Variants in WASF2 observed in about 807,000 individuals in gnomAD.
WASF2 encodes the protein actin-binding protein WASF2.
Under a neutral mutation model 45.0 loss-of-function variants are expected in WASF2, and 14 were observed. That is an observed-to-expected ratio of 0.31 (90% CI 0.21 to 0.49). WASF2 has a LOEUF of 0.49. Ranked by LOEUF, WASF2 falls within the 20% of genes least tolerant of loss-of-function variation. WASF2 has a pLI of 0.99. For missense variants in WASF2, 439 were observed against 636.1 expected (o/e 0.69, Z 3.33); for synonymous variants, 200 against 236.3 (o/e 0.85, Z 1.41).
In WASF2 at chr1:27,404,535, T is replaced by C. The variant is rs1029999325; in HGVS notation, c.*3654A>G. On this transcript the variant is annotated 3_prime_UTR_variant, in exon 9 of 9. Transcript: ENST00000618852. ...CCCATCCTCAGGGGAAGAGTGCCTG[T>C]TTTCAAACGGCATCCCTACTACACA... 2.6e-5 allele frequency: 4 copies of C among 152,130 alleles called. No homozygotes were observed. Among genetic ancestry groups the C allele is most frequent in the African/African-American group, 9.7e-5 (4 of 41,418 alleles). The allele number at this position is 152,130 out of a possible 1,614,324, so 9.4% of individuals were successfully genotyped here.
intron 1 of WASF2, among the ~76,000 whole-genome samples, chr1:27,445,537 T>C (rs564330185): frequency 4.6e-5 from 7 of 152,336 alleles, no homozygotes; most frequent in Non-Finnish European, 8.8e-5. Flanking sequence ...GCATTCCTAT[T>C]TACCCTAAAA....
At chr1:27,424,765 C>T (rs1158223594) in intron 2 of WASF2, among the ~76,000 whole-genome samples, 2 of 152,212 alleles carry the variant, frequency 1.3e-5, no homozygotes, top group Non-Finnish European at 2.9e-5. Flanking sequence ...AAGCAATCCT[C>T]CCGCCTCCAC....
chr1:27,474,982 A>G (rs1473637438), intron 1 of WASF2, among the ~76,000 whole-genome samples: 1 of 151,070 alleles, frequency 6.6e-6, no homozygotes, highest in African/African-American at 2.4e-5. Context: ...CAAAATACAC[A>G]CAAAACTCCT....
In WASF2 at chr1:27,405,715, C is replaced by T. The variant is rs1297944609; in HGVS notation, c.*2474G>A. 3 of 149,282 alleles carry T rather than the reference C, an allele frequency of 2.0e-5. No individual in the cohort carries two copies. Among genetic ancestry groups the T allele is most frequent in the Admixed American group, 1.3e-4 (2 of 14,836 alleles). The allele number at this position is 149,282 out of a possible 1,614,324, so 9.2% of individuals were successfully genotyped here. Reference sequence around the variant, plus strand: ...CCGAGCTGAGGAGGCTTCGCAAGGCCGGCTGCTACAAAGTGCCGAGCTTGG... The same window carrying T: ...CCGAGCTGAGGAGGCTTCGCAAGGCTGGCTGCTACAAAGTGCCGAGCTTGG... On this transcript the variant is annotated 3_prime_UTR_variant, in exon 9 of 9. Coordinates refer to ENST00000618852, the MANE Select transcript of WASF2 (RefSeq NM_006990.5).
Position 27,445,556 on chromosome 1 carries a change from G to T in WASF2, c.-43-16623C>A, listed in dbSNP as rs114354264. On this transcript the variant is annotated intron_variant, in intron 1 of 8. Coordinates refer to ENST00000618852, the MANE Select transcript of WASF2 (RefSeq NM_006990.5). ...TCCTATTTACCCTAAAACTGAAATG[G>T]TGTTAATGAGTATAACATACTGCTT... Among the ~76,000 whole-genome samples the T allele has an allele frequency of 4.0e-3, 606 of 152,272 alleles. 6 individuals carry two copies. Among genetic ancestry groups the T allele is most frequent in the African/African-American group, 0.014 (580 of 41,552 alleles).
intron 1 of WASF2, among the ~76,000 whole-genome samples, chr1:27,479,986 G>A (rs1337400329): frequency 6.6e-6 from 1 of 152,166 alleles, no homozygotes; most frequent in African/African-American, 2.4e-5. Context: ...GAATGCTGAA[G>A]GAACTTTAAA....
At chr1:27,434,659 AC>A (rs1197825401) in intron 1 of WASF2, among the ~76,000 whole-genome samples, 1 of 152,184 alleles carries the variant, frequency 6.6e-6, no homozygotes, top group East Asian at 1.9e-4. Flanking sequence ...GGAGTTAGCT[AC>A]CCAAAAAATT....
At chr1:27,476,872 T>C (rs2148141508) in intron 1 of WASF2, among the ~76,000 whole-genome samples, 1 of 152,274 alleles carries the variant, frequency 6.6e-6, no homozygotes, top group Non-Finnish European at 1.5e-5. Context: ...TGTTCAGCAA[T>C]GTGAAAAACA....
rs541516201 is a variant in WASF2 at position 27,473,989 on chromosome 1, G to A, written c.-44+15997C>T. Among the ~76,000 whole-genome samples, 8 of 152,226 alleles carry A rather than the reference G, an allele frequency of 5.3e-5. No homozygotes were observed. In the East Asian group the frequency reaches 5.8e-4, roughly 11 times the overall value. Reference sequence around the variant, plus strand: ...TCAAACACGAACAATTCTGTGATGCGGGAGGAAACCAGAGTACCTGGAGGG... The same window carrying A: ...TCAAACACGAACAATTCTGTGATGCAGGAGGAAACCAGAGTACCTGGAGGG... On this transcript the variant is annotated intron_variant, in intron 1 of 8. Coordinates refer to ENST00000618852, the MANE Select transcript of WASF2 (RefSeq NM_006990.5).
chr1:27,422,932 A>G (rs1162157058), intron 2 of WASF2, among the ~76,000 whole-genome samples: 1 of 152,180 alleles, frequency 6.6e-6, no homozygotes, highest in Non-Finnish European at 1.5e-5. Flanking sequence ...GAAGACCAGG[A>G]GTTTGAGATC....
intron 8 of WASF2, among the ~76,000 whole-genome samples, chr1:27,409,063 GA>G (rs528911093): frequency 3.7e-4 from 55 of 149,986 alleles, no homozygotes; most frequent in African/African-American, 1.3e-3. Context: ...CTTCCCCAAG[GA>G]AAAAAAAATG....
At chr1:27,470,384 T>A (rs1049231557) in intron 1 of WASF2, among the ~76,000 whole-genome samples, 6 of 151,898 alleles carry the variant, frequency 4.0e-5, no homozygotes, top group African/African-American at 1.5e-4. Flanking sequence ...TAAGGATAAA[T>A]AATCAAGGCA....
chr1:27,416,064 G>T lies in WASF2; in HGVS notation c.458C>A (p.Pro153His). ...GKEALKFYTD[P>H]SYFFDLWKEK... ...CTTCCAAAGATCAAAGAAGTATGAA[G>T]GGTCTGTGTAGAATTTGAGTGCCTC... is the stretch of plus-strand genomic sequence containing the variant. Residue 153 changes from proline (P) to histidine (H), a missense_variant, in exon 5 of 9, where the codon CCT becomes CAT. Around this residue, in one of 5 missense-constraint regions of WASF2, gnomAD observed 98 missense variants for 120.7 expected, o/e 0.81. Coordinates refer to ENST00000618852, the MANE Select transcript of WASF2 (RefSeq NM_006990.5). The T allele has an allele frequency of 1.9e-6, 3 of 1,614,066 alleles. No individual in the cohort carries two copies. The highest frequency in any genetic ancestry group is 2.5e-6 in the Non-Finnish European group (3 of 1,179,974).
chr1:27,427,897 G>A (rs2017008689), intron 2 of WASF2, among the ~76,000 whole-genome samples: 1 of 152,056 alleles, frequency 6.6e-6, no homozygotes, highest in Non-Finnish European at 1.5e-5. Flanking sequence ...CTAGATAAAT[G>A]CAGAGCCAAT....
chr1:27,472,394 G>A (rs909312543), intron 1 of WASF2, among the ~76,000 whole-genome samples: 1 of 151,554 alleles, frequency 6.6e-6, no homozygotes, highest in African/African-American at 2.4e-5. Context: ...AGCACTTTGG[G>A]AGGCTGAGGC....
chr1:27,461,510 G>A (rs2017543752), intron 1 of WASF2, among the ~76,000 whole-genome samples: 1 of 150,600 alleles, frequency 6.6e-6, no homozygotes, highest in Admixed American at 6.6e-5. Context: ...TCCCCGGCTG[G>A]AGTGCAGTGA....
At chr1:27,481,300 T>C (rs2017846679) in intron 1 of WASF2, among the ~76,000 whole-genome samples, 1 of 151,800 alleles carries the variant, frequency 6.6e-6, no homozygotes, top group Non-Finnish European at 1.5e-5. Flanking sequence ...GGAGACTCCG[T>C]ATGAAAAAAA....
intron 1 of WASF2, among the ~76,000 whole-genome samples, chr1:27,461,664 C>G (rs1413966338): frequency 1.3e-5 from 2 of 151,646 alleles, no homozygotes; most frequent in African/African-American, 2.4e-5. Flanking sequence ...TTCGTAGAGT[C>G]GGGGTTTCAC....
chr1:27,436,863 C>G (rs576100160), intron 1 of WASF2, among the ~76,000 whole-genome samples: 26 of 152,154 alleles, frequency 1.7e-4, no homozygotes, highest in Non-Finnish European at 3.4e-4. Context: ...ACTGGGAAAA[C>G]TGAGAAAAAG....
Sources: allele counts gnomAD v4.1 joint callset (sites outside exome capture counted in the v4.1 genomes callset), GRCh38; gene constraint gnomAD v4.1.1; regional missense constraint gnomAD v4.1.1; transcripts MANE v1.5; gene names NCBI Gene and HGNC (gene_info 2026-07-23, HGNC 2026-07-21).